PDS5A: variants seen among roughly 807,000 people sequenced by gnomAD.
The protein encoded by PDS5A is sister chromatid cohesion protein PDS5 homolog A.
In PDS5A, 42 loss-of-function variants were observed where a neutral mutation model predicts 167.1. The ratio of observed to expected loss-of-function variants is 0.25; its 90% CI spans 0.20 to 0.33. The LOEUF (loss-of-function observed/expected upper bound fraction) is 0.33. Ranked by LOEUF, PDS5A falls within the 10% of genes least tolerant of loss-of-function variation. PDS5A has a pLI of 1.00. For missense variants in PDS5A, 1,033 were observed against 1,605.9 expected (o/e 0.64, Z 6.10); for synonymous variants, 553 against 554.6 (o/e 1.00, Z 0.04).
chr4:39,852,079 T>C (rs565363000), intron 26 of PDS5A, among the ~76,000 whole-genome samples: 1 of 152,212 alleles, frequency 6.6e-6, no homozygotes, highest in African/African-American at 2.4e-5. Flanking sequence ...GAAAAAAGTA[T>C]GATTGTCTTG....
rs1199581236 is a variant in PDS5A at position 39,918,253 on chromosome 4, A to AT, written c.736-1066dup. The stretch of plus-strand genomic sequence containing the variant: ...AATAAAGAGTATTTAAAGCTGAAGG[A>AT]TTTTTTTTTGTTGTTGGGTTGTTTC... On this transcript the variant is annotated intron_variant, in intron 7 of 32. Transcript: ENST00000303538. 2.4e-3 allele frequency among the ~76,000 whole-genome samples: 363 copies of AT among 149,978 alleles called. 1 individual carries two copies. The highest frequency in any genetic ancestry group is 7.9e-3 in the African/African-American group (323 of 40,998).
At chr4:39,864,084 C>T (rs180868283) in intron 23 of PDS5A, among the ~76,000 whole-genome samples, 9 of 151,550 alleles carry the variant, frequency 5.9e-5, no homozygotes, top group Admixed American at 1.3e-4. Context: ...GAGCCAAGGT[C>T]GCACCACTGC....
intron 2 of PDS5A, among the ~76,000 whole-genome samples, chr4:39,940,714 C>G: frequency 8.6e-6 from 1 of 116,656 alleles, no homozygotes; most frequent in Non-Finnish European, 1.8e-5. Flanking sequence ...CAGGCTGGAG[C>G]GCAGAGGCGC....
intron 2 of PDS5A, among the ~76,000 whole-genome samples, chr4:39,954,670 T>TAAATAAAAAAAA (rs1553908181): frequency 2.1e-5 from 1 of 48,280 alleles, no homozygotes; most frequent in Non-Finnish European, 4.1e-5. Flanking sequence ...AAGAGATAAG[T>TAAATAAAAAAAA]AAAAAAAAAA....
chr4:39,883,004 A>C (rs547822060), intron 17 of PDS5A, among the ~76,000 whole-genome samples: 1 of 152,000 alleles, frequency 6.6e-6, no homozygotes, highest in Admixed American at 6.6e-5. Flanking sequence ...CTTGAGTGAA[A>C]ACTCTTCTAA....
chr4:39,836,194 A>AG (rs763510711), intron 32 of PDS5A, among the ~76,000 whole-genome samples: 2 of 152,200 alleles, frequency 1.3e-5, no homozygotes, highest in Non-Finnish European at 1.5e-5. Flanking sequence ...AGGGAGGCAG[A>AG]GGTTCAATAA....
At chr4:39,924,515 C>A (rs1344280371) in intron 5 of PDS5A, among the ~76,000 whole-genome samples, 1 of 152,168 alleles carries the variant, frequency 6.6e-6, no homozygotes, top group Non-Finnish European at 1.5e-5. Context: ...TCTAATCCTA[C>A]CATTCCATCT....
intron 2 of PDS5A, among the ~76,000 whole-genome samples, chr4:39,963,008 T>C (rs1259304165): frequency 6.6e-6 from 1 of 151,536 alleles, no homozygotes; most frequent in Non-Finnish European, 1.5e-5. Flanking sequence ...AAATTTTATA[T>C]GTTTACCACA....
At chr4:39,870,305 T>C (rs778431754) in intron 21 of PDS5A, among the ~76,000 whole-genome samples, 1 of 152,090 alleles carries the variant, frequency 6.6e-6, no homozygotes, top group Non-Finnish European at 1.5e-5. Context: ...ATCTGGTAAA[T>C]AGCTGACAAA....
intron 11 of PDS5A, among the ~76,000 whole-genome samples, chr4:39,907,126 T>A (rs758920928): frequency 2.6e-5 from 4 of 152,026 alleles, no homozygotes; most frequent in Non-Finnish European, 4.4e-5. Flanking sequence ...ATGAAAAAAC[T>A]GTAATAGTAG....
intron 9 of PDS5A, 26 bp downstream of exon 9, chr4:39,913,585 A>C: frequency 8.0e-7 from 1 of 1,249,328 alleles, no homozygotes; most frequent in Non-Finnish European, 1.2e-6. Context: ...CTAAAATATA[A>C]ACATCAGAAT....
At chr4:39,924,880 G>A (rs1725312015) in intron 5 of PDS5A, among the ~76,000 whole-genome samples, 1 of 152,196 alleles carries the variant, frequency 6.6e-6, no homozygotes, top group Non-Finnish European at 1.5e-5. Flanking sequence ...GGGAGGCCGA[G>A]GTGGGTGGAT....
chr4:39,891,037 T>C (rs1202758631), intron 16 of PDS5A, among the ~76,000 whole-genome samples: 4 of 146,688 alleles, frequency 2.7e-5, no homozygotes, highest in Non-Finnish European at 6.0e-5. Context: ...GTTTCAGTTA[T>C]TTTTTTTTTT....
chr4:39,832,007 C>T (rs1258658957), intron 32 of PDS5A, among the ~76,000 whole-genome samples: 2 of 150,130 alleles, frequency 1.3e-5, no homozygotes, highest in African/African-American at 2.5e-5. Flanking sequence ...CCAGCTGCTC[C>T]GGAGGATGAG....
intron 23 of PDS5A, 64 bp from the exon 24 acceptor site, chr4:39,863,523 C>A: frequency 7.9e-7 from 1 of 1,267,856 alleles, no homozygotes; most frequent in South Asian, 1.5e-5. Flanking sequence ...AAAATGCTTT[C>A]GTCCCTTTTT....
chr4:39,953,423 T>G (rs1018334219), intron 2 of PDS5A, among the ~76,000 whole-genome samples: 1 of 69,322 alleles, frequency 1.4e-5, no homozygotes, highest in African/African-American at 3.7e-5. Context: ...GAAGAATCAG[T>G]TTTTTTTTTT....
At chr4:39,871,866 G>A (rs1230781764) in intron 21 of PDS5A, among the ~76,000 whole-genome samples, 2 of 151,724 alleles carry the variant, frequency 1.3e-5, no homozygotes. Flanking sequence ...ACCAAGCCCG[G>A]CTAATTTTTT....
chr4:39,910,446 GA>G (rs1723789942), intron 9 of PDS5A, 108 bp from the exon 10 acceptor site: 1 of 618,194 alleles, frequency 1.6e-6, no homozygotes, highest in South Asian at 2.0e-5. Flanking sequence ...TTACTGATTA[GA>G]AAATTTGTTA....
chr4:39,954,917 G>T (rs550791370), intron 2 of PDS5A, among the ~76,000 whole-genome samples: 1 of 152,126 alleles, frequency 6.6e-6, no homozygotes, highest in African/African-American at 2.4e-5. Context: ...GCACATGCCT[G>T]TAGTCTCTAC....
Sources: allele counts gnomAD v4.1 joint callset (sites outside exome capture counted in the v4.1 genomes callset), GRCh38; gene constraint gnomAD v4.1.1; transcripts MANE v1.5; gene names NCBI Gene and HGNC (gene_info 2026-07-23, HGNC 2026-07-21).